Variants in MLXIP observed in about 807,000 individuals in gnomAD.
MLXIP encodes MLX interacting protein.
Under a neutral mutation model 87.2 loss-of-function variants are expected in MLXIP, and 30 were observed. The ratio of observed to expected loss-of-function variants is 0.34; its 90% CI spans 0.26 to 0.47. The LOEUF is 0.47. Among genes scored for constraint, MLXIP ranks in the 20% least tolerant of loss-of-function variants. MLXIP has a pLI of 1.00. For missense variants in MLXIP, 1,002 were observed against 1,240.1 expected, an observed-to-expected ratio of 0.81 and a Z score of 2.88; for synonymous variants, 530 against 514.0, an observed-to-expected ratio of 1.03 and a Z score of -0.42.
At chr12:122,113,421 C>A (rs1952634218) in intron 1 of MLXIP, among the ~76,000 whole-genome samples, 1 of 151,788 alleles carries the variant, frequency 6.6e-6, no homozygotes, top group Non-Finnish European at 1.5e-5. Flanking sequence ...GCATGTACCA[C>A]CACACCTGGC....
chr12:122,105,728 C>T (rs201317369), intron 1 of MLXIP, among the ~76,000 whole-genome samples: 10 of 151,356 alleles, frequency 6.6e-5, no homozygotes, highest in African/African-American at 1.2e-4. Flanking sequence ...TGCAGTGAGC[C>T]GAGATTGTGC....
chr12:122,135,587 C>T lies in MLXIP; in HGVS notation c.1953C>T (p.Ser651=). Residue 651 remains serine (S), a synonymous_variant, in exon 11 of 17, where the codon AGC becomes AGT. Transcript: ENST00000319080. This position sits in a 1 kb window ranked among gnomAD's most constrained non-coding sequence, Gnocchi z 5.3. The part of the protein sequence containing the change: ...PPAPVSRLFP[S]TAQDPLGKGE... ...CCCCCGTCTCCCGGCTCTTCCCAAG[C>T]ACAGCGCAAGACCCCCTGGGGAAGG... The T allele has an allele frequency of 1.9e-6, 3 of 1,592,130 alleles. No homozygotes were observed. The South Asian group carries it at 3.4e-5, about 18-fold the overall frequency.
intron 1 of MLXIP, among the ~76,000 whole-genome samples, chr12:122,087,648 G>GC (rs1298689781): frequency 6.6e-6 from 1 of 152,212 alleles, no homozygotes. Flanking sequence ...GAGGCAAGGG[G>GC]CCTTGTGGGC....
rs1953289590 is a variant in MLXIP at position 122,145,714 on chromosome 12, C to G, written c.*3902C>G. 6.6e-6 allele frequency: 1 copy of G among 152,260 alleles called. No individual in the cohort carries two copies. Among genetic ancestry groups the G allele is most frequent in the African/African-American group, 2.4e-5 (1 of 41,430 alleles). The allele number at this position is 152,260 out of a possible 1,614,324, so 9.4% of individuals were successfully genotyped here. On this transcript the variant is annotated 3_prime_UTR_variant, in exon 17 of 17. Coordinates refer to ENST00000319080, the MANE Select transcript of MLXIP (RefSeq NM_014938.6). ...TCTGCTGGACAGTACGTTAGGCTCT[C>G]AGAACTCATGGGTGTGGAGCTGGGC...
In MLXIP at chr12:122,098,379, G is replaced by A. The variant is rs981363324; in HGVS notation, c.413+19113G>A. ...ACCCCCGCTGAGCAACTCAGATTGA[G>A]GTTGGGGTGTGCTGCCCTCCCAGAC... On this transcript the variant is annotated intron_variant, in intron 1 of 16. Coordinates refer to ENST00000319080, the MANE Select transcript of MLXIP (RefSeq NM_014938.6). Among the ~76,000 whole-genome samples, 9 of 152,344 alleles carry A rather than the reference G, an allele frequency of 5.9e-5. No individual in the cohort carries two copies. The South Asian group carries it at 1.7e-3, about 28-fold the overall frequency.
intron 1 of MLXIP, among the ~76,000 whole-genome samples, chr12:122,087,087 G>C (rs915659191): frequency 6.6e-6 from 1 of 152,174 alleles, no homozygotes; most frequent in Non-Finnish European, 1.5e-5. Context: ...TTGTCTAATT[G>C]AATTAGCCCC....
At chr12:122,089,371 C>G (rs140855026) in intron 1 of MLXIP, among the ~76,000 whole-genome samples, 1 of 152,166 alleles carries the variant, frequency 6.6e-6, no homozygotes, top group South Asian at 2.1e-4. Flanking sequence ...TAAAAGGAAA[C>G]GCTTTCAATG....
At chr12:122,119,687 G>A (rs960255029) in intron 1 of MLXIP, among the ~76,000 whole-genome samples, 12 of 152,304 alleles carry the variant, frequency 7.9e-5, no homozygotes, top group Non-Finnish European at 1.3e-4. Flanking sequence ...CACCGCGCCT[G>A]GCGATATGCC....
intron 1 of MLXIP, among the ~76,000 whole-genome samples, chr12:122,081,051 T>C (rs965634511): frequency 2.0e-5 from 3 of 152,210 alleles, no homozygotes; most frequent in Non-Finnish European, 2.9e-5. Flanking sequence ...ACCTAAAGGC[T>C]TATTAAACAA....
chr12:122,103,199 GTATTTATTTATTTATTTATTTATTTATT>G (rs754355713), intron 1 of MLXIP, among the ~76,000 whole-genome samples: 3 of 93,766 alleles, frequency 3.2e-5, no homozygotes, highest in African/African-American at 1.0e-4. Flanking sequence ...ATGTATGTAT[GTATTTATTTATTTATTTATTTATTTATT>G]TATTTATTTA....
chr12:122,115,810 C>A (rs997145839), intron 1 of MLXIP, among the ~76,000 whole-genome samples: 1 of 151,820 alleles, frequency 6.6e-6, no homozygotes, highest in African/African-American at 2.4e-5. Flanking sequence ...CCCAGTACTT[C>A]GGGAGGCTGA....
intron 16 of MLXIP, 177 bp downstream of exon 16, chr12:122,141,260 C>T: frequency 4.2e-6 from 2 of 470,940 alleles, no homozygotes; most frequent in Non-Finnish European, 5.6e-6. Context: ...GCAGGAGGCT[C>T]CTGCCCTTTT....
intron 1 of MLXIP, among the ~76,000 whole-genome samples, chr12:122,101,418 G>GT (rs1379464864): frequency 6.7e-6 from 1 of 150,312 alleles, no homozygotes; most frequent in East Asian, 1.9e-4. Flanking sequence ...AAGAACAAAA[G>GT]TTTTTAATTT....
intron 1 of MLXIP, among the ~76,000 whole-genome samples, chr12:122,119,205 A>G (rs1391340518): frequency 6.6e-6 from 1 of 151,944 alleles, no homozygotes. Flanking sequence ...AAAACAAACA[A>G]ACAAAAAAAC....
Position 122,138,288 on chromosome 12 carries a change from C to A in MLXIP, c.2249C>A (p.Ser750Tyr), listed in dbSNP as rs1953130856. The change falls in exon 13 of 17, where the codon TCC becomes TAC. Residue 750 changes from serine (S) to tyrosine (Y), a missense_variant. Physicochemically the swap from Ser to Tyr is moderately radical, Grantham distance 144 (BLOSUM62 -2). This residue lies in a region of MLXIP where 746 missense variants were observed against 897.0 expected (regional missense o/e 0.83). Transcript: ENST00000319080. ...DMLNSLISNNSKLTSHAITLQ... is the reference protein window; with the variant it reads ...DMLNSLISNNYKLTSHAITLQ... ...CTCAACAGCCTCATCTCCAACAATT[C>A]CAAGCTGGTGAGTTGCCAAGAGCGT... The A allele has an allele frequency of 6.2e-7, 1 of 1,613,766 alleles. No homozygotes were observed. The highest frequency in any genetic ancestry group is 1.3e-5 in the African/African-American group (1 of 75,054).
At position 122,133,345 on chromosome 12, in the gene MLXIP, C is replaced by T. The variant is rs780148052; in HGVS notation, c.1093-3C>T. The T allele has an allele frequency of 5.8e-6, 9 of 1,547,634 alleles. No homozygotes were observed. Among genetic ancestry groups the T allele is most frequent in the Non-Finnish European group, 7.9e-6 (9 of 1,145,534 alleles). On this transcript the variant is annotated splice_region_variant and splice_polypyrimidine_tract_variant and intron_variant, in intron 8 of 16. Transcript: ENST00000319080. This position sits in a 1 kb window ranked among gnomAD's most constrained non-coding sequence, Gnocchi z 4.9. Reference sequence around the variant, plus strand: ...CTTCCTGGCTCCTTTCTTCCTTTTTCAGGAGAGCATCCTGCCGACCACAGC... The same window carrying T: ...CTTCCTGGCTCCTTTCTTCCTTTTTTAGGAGAGCATCCTGCCGACCACAGC...
intron 1 of MLXIP, among the ~76,000 whole-genome samples, chr12:122,105,229 A>G (rs1197612760): frequency 1.3e-5 from 2 of 152,066 alleles, no homozygotes; most frequent in African/African-American, 2.4e-5. Context: ...GGGAAGCTTC[A>G]CTGATTGTGG....
At chr12:122,127,750 C>T (rs974260216) in intron 2 of MLXIP, 133 bp from the exon 3 acceptor site, 2 of 719,278 alleles carry the variant, frequency 2.8e-6, no homozygotes, top group Non-Finnish European at 4.9e-6. Context: ...CCTGAAATCT[C>T]CTTTTCCTAG....
At chr12:122,122,555 T>C (rs1245879264) in intron 1 of MLXIP, among the ~76,000 whole-genome samples, 2 of 151,860 alleles carry the variant, frequency 1.3e-5, no homozygotes, top group East Asian at 1.9e-4. Flanking sequence ...TTTTCTTTTT[T>C]TTTTGAGACA....
Sources: allele counts gnomAD v4.1 joint callset (sites outside exome capture counted in the v4.1 genomes callset), GRCh38; gene constraint gnomAD v4.1.1; regional missense constraint gnomAD v4.1.1; non-coding constraint Gnocchi (gnomAD v3.1); transcripts MANE v1.5; gene names NCBI Gene and HGNC (gene_info 2026-07-23, HGNC 2026-07-21).